CDR2: variants seen among roughly 807,000 people sequenced by gnomAD.
CDR2 encodes the protein cerebellar degeneration-related protein 2.
A neutral mutation model predicts 48.4 loss-of-function variants in CDR2; 34 were observed. The ratio of observed to expected loss-of-function variants is 0.70; its 90% CI spans 0.53 to 0.94. The LOEUF (loss-of-function observed/expected upper bound fraction) is 0.94, where lower values mean the gene tolerates loss of function less well. Ranked by LOEUF, CDR2 falls within the 40% of genes least tolerant of loss-of-function variation. CDR2 has a pLI of 0.00. For missense variants in CDR2, 498 were observed against 549.5 expected, an observed-to-expected ratio of 0.91 and a Z score of 0.94; for synonymous variants, 240 against 219.7, an observed-to-expected ratio of 1.09 and a Z score of -0.82.
chr16:22,371,489 T>G (rs1012939377), intron 1 of CDR2, among the ~76,000 whole-genome samples: 1 of 152,118 alleles, frequency 6.6e-6, no homozygotes, highest in South Asian at 2.1e-4. Flanking sequence ...TCTATGGGAG[T>G]AGGAATCCTA....
intron 2 of CDR2, among the ~76,000 whole-genome samples, chr16:22,354,329 G>C (rs2048960177): frequency 6.6e-6 from 1 of 152,272 alleles, no homozygotes; most frequent in South Asian, 2.1e-4. Flanking sequence ...GATCAATGAT[G>C]ACTCTTCAGC....
In CDR2 at chr16:22,353,791, A is replaced by G. The variant is rs573546083; in HGVS notation, c.193-3942T>C. Reference sequence around the variant, plus strand: ...TCAAAGCCACCTCTGAGAATGACTCATCCCCTGGGTATCTCCCACACATAT... The same window carrying G: ...TCAAAGCCACCTCTGAGAATGACTCGTCCCCTGGGTATCTCCCACACATAT... On this transcript the variant is annotated intron_variant, in intron 2 of 4. Coordinates refer to ENST00000268383, the MANE Select transcript of CDR2 (RefSeq NM_001802.2). Among the ~76,000 whole-genome samples the G allele has an allele frequency of 3.9e-5, 6 of 152,324 alleles. No homozygotes were observed. The South Asian group carries it at 1.2e-3, about 32-fold the overall frequency.
At chr16:22,352,141 A>C (rs1378106540) in intron 2 of CDR2, among the ~76,000 whole-genome samples, 1 of 152,136 alleles carries the variant, frequency 6.6e-6, no homozygotes, top group Non-Finnish European at 1.5e-5. Context: ...AATCCCACGT[A>C]CTCAGGAGGC....
chr16:22,349,916 C>A lies in CDR2; in HGVS notation c.193-67G>T, dbSNP rs535697037. ...ATACCTGCTGTTTCTTGGCTGGCTG[C>A]GGTGGCTCACGCCTGTAATCCCAGC... On this transcript the variant is annotated intron_variant, in intron 2 of 4. Transcript: ENST00000268383. 3.4e-6 allele frequency: 5 copies of A among 1,472,850 alleles called. No individual in the cohort carries two copies. The African/African-American group carries it at 5.6e-5, about 16-fold the overall frequency. 91.2% of individuals were successfully genotyped at this position (1,472,850 alleles called of 1,614,324 possible).
At chr16:22,371,133 C>T (rs185699240) in intron 1 of CDR2, among the ~76,000 whole-genome samples, 57 of 151,922 alleles carry the variant, frequency 3.8e-4, no homozygotes, top group African/African-American at 1.1e-3. Flanking sequence ...ATGGCTTGAA[C>T]GCGGGAGGCG....
chr16:22,359,935 C>A (rs1413829841), intron 2 of CDR2, among the ~76,000 whole-genome samples: 1 of 152,118 alleles, frequency 6.6e-6, no homozygotes, highest in East Asian at 1.9e-4. Context: ...GAAAATAAAG[C>A]AAATCAATTA....
In CDR2 at chr16:22,366,256, A is replaced by G. The variant is rs1482150848; in HGVS notation, c.80-1242T>C. On this transcript the variant is annotated intron_variant, in intron 1 of 4. Coordinates refer to ENST00000268383, the MANE Select transcript of CDR2 (RefSeq NM_001802.2). ...ATTCATGCATGCATGCATATACTCA[A>G]TAATATCAGACACTATTCTAGGCAC... Among the ~76,000 whole-genome samples, 7 of 152,208 alleles carry G rather than the reference A, an allele frequency of 4.6e-5. No individual in the cohort carries two copies. In the South Asian group the frequency reaches 6.2e-4, roughly 14 times the overall value.
chr16:22,359,324 G>A lies in CDR2; in HGVS notation c.192+5578C>T, dbSNP rs149441397. Reference sequence around the variant, plus strand: ...CTATTTTTAGCAGAGATGGGGTTTCGCCATCTTGGCCAGGCTTATCTTGAA... The same window carrying A: ...CTATTTTTAGCAGAGATGGGGTTTCACCATCTTGGCCAGGCTTATCTTGAA... On this transcript the variant is annotated intron_variant, in intron 2 of 4. Transcript: ENST00000268383. Among the ~76,000 whole-genome samples the A allele has an allele frequency of 6.2e-4, 95 of 152,066 alleles. No individual in the cohort carries two copies. The East Asian group carries it at 0.011, about 17-fold the overall frequency.
At chr16:22,350,883 T>A (rs866145550) in intron 2 of CDR2, among the ~76,000 whole-genome samples, 19 of 152,086 alleles carry the variant, frequency 1.2e-4, no homozygotes, top group African/African-American at 4.6e-4. Context: ...GGAGGATTTT[T>A]AAAAAAAATT....
At chr16:22,351,838 A>G (rs2048944341) in intron 2 of CDR2, among the ~76,000 whole-genome samples, 1 of 152,214 alleles carries the variant, frequency 6.6e-6, no homozygotes, top group Non-Finnish European at 1.5e-5. Context: ...AAAACACAGT[A>G]TATATTCCAA....
chr16:22,371,711 T>C (rs571974232), intron 1 of CDR2, among the ~76,000 whole-genome samples: 10 of 152,264 alleles, frequency 6.6e-5, no homozygotes, highest in African/African-American at 2.4e-4. Flanking sequence ...CAAGTTACAA[T>C]TGTTGGAATT....
At chr16:22,363,286 G>A (rs191438654) in intron 2 of CDR2, among the ~76,000 whole-genome samples, 11 of 152,180 alleles carry the variant, frequency 7.2e-5, no homozygotes, top group Admixed American at 5.2e-4. Context: ...CATATTGTAC[G>A]CTCTTTTGAT....
At chr16:22,372,190 T>G (rs1206226919) in intron 1 of CDR2, among the ~76,000 whole-genome samples, 1 of 151,882 alleles carries the variant, frequency 6.6e-6, no homozygotes, top group Non-Finnish European at 1.5e-5. Context: ...TTTTTAAGGT[T>G]AAACTTGAAG....
chr16:22,364,462 C>A (rs1167979391), intron 2 of CDR2, among the ~76,000 whole-genome samples: 1 of 151,768 alleles, frequency 6.6e-6, no homozygotes, highest in East Asian at 1.9e-4. Flanking sequence ...AGTTCCCTCT[C>A]CGGTGGGAAG....
intron 2 of CDR2, among the ~76,000 whole-genome samples, chr16:22,357,556 G>A (rs2048983265): frequency 6.6e-6 from 1 of 152,180 alleles, no homozygotes; most frequent in Non-Finnish European, 1.5e-5. Flanking sequence ...AGCCCTCTTG[G>A]GAAAACAGCC....
At position 22,350,652 on chromosome 16, in the gene CDR2, A is replaced by C. The variant is rs148077808; in HGVS notation, c.193-803T>G. Among the ~76,000 whole-genome samples the C allele has an allele frequency of 2.1e-4, 32 of 152,320 alleles. No homozygotes were observed. The East Asian group carries it at 6.2e-3, about 29-fold the overall frequency. The stretch of plus-strand genomic sequence containing the variant: ...AATTAAACTCCCTGTCTTCATAAGA[A>C]ATGAGCACAGGCTGTCCTTTATATG... On this transcript the variant is annotated intron_variant, in intron 2 of 4. Coordinates refer to ENST00000268383, the MANE Select transcript of CDR2 (RefSeq NM_001802.2).
chr16:22,346,442 C>T lies in CDR2; in HGVS notation c.*523G>A, dbSNP rs928933473. On this transcript the variant is annotated 3_prime_UTR_variant, in exon 5 of 5. Transcript: ENST00000268383. Reference sequence around the variant, plus strand: ...GTTCAGATATAACAAAACTCAAGGACTTGGAGTATTGGTTAATGACATTTC... The same window carrying T: ...GTTCAGATATAACAAAACTCAAGGATTTGGAGTATTGGTTAATGACATTTC... The T allele has an allele frequency of 1.3e-5, 2 of 155,440 alleles. No homozygotes were observed. Among genetic ancestry groups the T allele is most frequent in the African/African-American group, 4.8e-5 (2 of 41,594 alleles). The allele number at this position is 155,440 out of a possible 1,614,324, so 9.6% of individuals were successfully genotyped here. A position where few individuals can be genotyped will look rare whatever the true frequency, so the allele number is the denominator to read the frequency against.
intron 1 of CDR2, among the ~76,000 whole-genome samples, chr16:22,368,165 T>C (rs2049054811): frequency 1.3e-5 from 2 of 152,224 alleles, no homozygotes; most frequent in South Asian, 4.1e-4. Context: ...CTTTTACAAA[T>C]AGCTCAAAGC....
intron 1 of CDR2, among the ~76,000 whole-genome samples, chr16:22,371,293 A>G (rs2141855646): frequency 6.6e-6 from 1 of 152,312 alleles, no homozygotes; most frequent in African/African-American, 2.4e-5. Flanking sequence ...AAACGGACAG[A>G]TGCCTGCACA....
Sources: gnomAD v4.1 joint callset for allele counts (sites outside exome capture counted in the v4.1 genomes callset) on GRCh38, gnomAD v4.1.1 for gene constraint, MANE v1.5 for transcripts, NCBI Gene and HGNC (gene_info 2026-07-23, HGNC 2026-07-21) for gene names.